The following GATA5 variants were observed in gnomAD, a reference collection of about 807,000 sequenced individuals.
GATA5 encodes the protein transcription factor GATA-5.
A neutral mutation model predicts 35.0 loss-of-function variants in GATA5; 27 were observed. The observed-to-expected ratio is 0.77, with a 90% CI of 0.57 to 1.06. GATA5 has a LOEUF of 1.06. GATA5 is among the 50% of genes least tolerant of loss of function. The pLI is 0.00. For synonymous variants in GATA5, 306 were observed against 267.8 expected, an observed-to-expected ratio of 1.14 and a Z score of -1.39; for missense variants, 612 against 580.0, an observed-to-expected ratio of 1.06 and a Z score of -0.57.
rs111554140 is a variant in GATA5, at chr20:62,475,098, A to G, written c.424T>C (p.Tyr142His). Residue 142 changes from tyrosine to histidine, a missense_variant, in exon 2 of 7, where the codon TAC becomes CAC. Transcript: ENST00000252997. ...ACGTCGGGGCTCACGTAGGCCGGGT[A>G]GGTGGCGGAGTACGAGGTCCCCACC... is the stretch of plus-strand genomic sequence containing the variant. ...RPVGTSYSAT[Y>H]PAYVSPDVAQ... 3.5e-4 allele frequency: 496 copies of G among 1,400,228 alleles called. No homozygotes were observed. In the Middle Eastern group the frequency reaches 4.1e-3, roughly 11 times the overall value. 86.7% of individuals were successfully genotyped at this position (1,400,228 alleles called of 1,614,324 possible).
At chr20:62,472,465 G>C (rs1317612923) in intron 3 of GATA5, among the ~76,000 whole-genome samples, 1 of 152,216 alleles carries the variant, frequency 6.6e-6, no homozygotes, top group Non-Finnish European at 1.5e-5. Context: ...AGGAGGGCTG[G>C]CCTCCACCCA....
chr20:62,465,001 C>T lies in GATA5; in HGVS notation c.1039-10G>A. On this transcript the variant is annotated splice_polypyrimidine_tract_variant and intron_variant, in intron 6 of 6. Transcript: ENST00000252997. ...CCTCCTGGCCAGAGGCCTGCAGGGA[C>T]AGGAGAGCGTGAGAATGTGGGGTGG... The T allele has an allele frequency of 6.9e-7, 1 of 1,450,514 alleles. No individual in the cohort carries two copies. The highest frequency in any genetic ancestry group is 1.6e-5 in the African/African-American group (1 of 62,396). The allele number at this position is 1,450,514 out of a possible 1,614,324, so 89.9% of individuals were successfully genotyped here.
chr20:62,467,171 A>G (rs1479831499), intron 3 of GATA5, among the ~76,000 whole-genome samples: 1 of 152,126 alleles, frequency 6.6e-6, no homozygotes. Flanking sequence ...ACTGACCCCA[A>G]TCTGGCAGGC....
At position 62,475,230 on chromosome 20, in the gene GATA5, T is replaced by A; in HGVS notation, c.292A>T (p.Ser98Cys). 1.6e-6 allele frequency: 2 copies of A among 1,248,504 alleles called. No homozygotes were observed. The highest frequency in any genetic ancestry group is 3.1e-5 in the African/African-American group (2 of 64,554). The allele number at this position is 1,248,504 out of a possible 1,614,324, so 77.3% of individuals were successfully genotyped here. A position where few individuals can be genotyped will look rare whatever the true frequency, so the allele number is the denominator to read the frequency against. ...PGATAFPFAH[S>C]PSGPGSGGSA... ...CCGCCGCTGCCGGGCCCCGAGGGGC[T>A]GTGCGCGAAAGGGAAGGCGGTGGCC... The change falls in exon 2 of 7, where the codon AGC becomes TGC. Residue 98 changes from serine (S) to cysteine (C), a missense_variant. By Grantham distance (112) the Ser-to-Cys change is moderately radical (BLOSUM62 -1). Transcript: ENST00000252997.
rs782451619 is a variant in GATA5 at position 62,464,809 on chromosome 20, T to C, written c.*27A>G. ...CAGTGGGTGGTCTGTTCCAGGCTGT[T>C]CCCCTGACATGGGCTGGCCTGGGGA... On this transcript the variant is annotated 3_prime_UTR_variant, in exon 7 of 7. Transcript: ENST00000252997. The C allele has an allele frequency of 5.1e-6, 8 of 1,558,930 alleles. No homozygotes were observed. In the Admixed American group the frequency reaches 1.5e-4, roughly 30 times the overall value.
rs537553037 is a variant in GATA5 at position 62,473,356 on chromosome 20, C to T, written c.699+47G>A. On this transcript the variant is annotated intron_variant, in intron 3 of 6. Coordinates refer to ENST00000252997, the MANE Select transcript of GATA5 (RefSeq NM_080473.5). ...CTGGGTGGATTGCAAGAGGTCCCCT[C>T]GGGGGAGCACTGCGCCCAGGCGCCC... is the stretch of plus-strand genomic sequence containing the variant. 23 of 1,562,076 alleles carry T rather than the reference C, an allele frequency of 1.5e-5. No individual in the cohort carries two copies. In the African/African-American group the frequency reaches 2.0e-4, roughly 14 times the overall value.
At chr20:62,466,792 C>A (rs1050034151) in intron 3 of GATA5, among the ~76,000 whole-genome samples, 4 of 152,266 alleles carry the variant, frequency 2.6e-5, no homozygotes, top group Non-Finnish European at 5.9e-5. Context: ...AACAGACCCA[C>A]CACAGGCCAG....
Position 62,464,512 on chromosome 20 carries a change from A to C in GATA5, c.*324T>G. On this transcript the variant is annotated 3_prime_UTR_variant, in exon 7 of 7. Coordinates refer to ENST00000252997, the MANE Select transcript of GATA5 (RefSeq NM_080473.5). Reference sequence around the variant, plus strand: ...ATTGACGGTGAGCATTGATGACGGAATTCAAGTTGGTGGTGGTGGTGCCCT... The same window carrying C: ...ATTGACGGTGAGCATTGATGACGGACTTCAAGTTGGTGGTGGTGGTGCCCT... The C allele has an allele frequency of 4.3e-6, 1 of 231,230 alleles. No individual in the cohort carries two copies. Among genetic ancestry groups the C allele is most frequent in the Non-Finnish European group, 8.4e-6 (1 of 119,494 alleles). 14.3% of individuals were successfully genotyped at this position (231,230 alleles called of 1,614,324 possible).
chr20:62,470,222 C>G lies in GATA5; in HGVS notation c.699+3181G>C, dbSNP rs139160479. Among the ~76,000 whole-genome samples the G allele has an allele frequency of 7.9e-5, 12 of 152,270 alleles. No individual in the cohort carries two copies. The highest frequency in any genetic ancestry group is 4.1e-4 in the South Asian group (2 of 4,824). ...GGTGCTGGCGGAAATTCAAGGAAGG[C>G]GGGAGAGGGAAGGAGGTTCGAGCCT... On this transcript the variant is annotated intron_variant, in intron 3 of 6. Coordinates refer to ENST00000252997, the MANE Select transcript of GATA5 (RefSeq NM_080473.5). The surrounding 1 kb of genome is among the most constrained non-coding windows in gnomAD (Gnocchi z 4.6).
rs1555896465 is a variant in GATA5 at position 62,470,634 on chromosome 20, A to G, written c.699+2769T>C. On this transcript the variant is annotated intron_variant, in intron 3 of 6. Transcript: ENST00000252997. This position sits in a 1 kb window ranked among gnomAD's most constrained non-coding sequence, Gnocchi z 4.6. Reference sequence around the variant, plus strand: ...GGGAAGGGACGCTTGGCTCCATGCAACACTGGGCTACTTCCTGGAGCTGGT... The same window carrying G: ...GGGAAGGGACGCTTGGCTCCATGCAGCACTGGGCTACTTCCTGGAGCTGGT... Among the ~76,000 whole-genome samples, 1 of 152,128 alleles carries G rather than the reference A, an allele frequency of 6.6e-6. No homozygotes were observed. The highest frequency in any genetic ancestry group is 1.9e-4 in the East Asian group (1 of 5,186).
chr20:62,470,119 G>A lies in GATA5; in HGVS notation c.699+3284C>T, dbSNP rs1258674030. ...TCAAAGCCTCCTTGCGCGCAGCAGA[G>A]CCGCTCTAAGCACCAGGCTCTGTGT... On this transcript the variant is annotated intron_variant, in intron 3 of 6. Transcript: ENST00000252997. The surrounding 1 kb of genome is among the most constrained non-coding windows in gnomAD (Gnocchi z 4.6). 1.3e-5 allele frequency among the ~76,000 whole-genome samples: 2 copies of A among 152,266 alleles called. No homozygotes were observed. Among genetic ancestry groups the A allele is most frequent in the African/African-American group, 4.8e-5 (2 of 41,478 alleles).
In GATA5 at chr20:62,475,540, G is replaced by T; in HGVS notation, c.-19C>A. Reference sequence around the variant, plus strand: ...GGTACATCCTCCCAGGCGTGGTCTTGACCTGCAGGGAAGAGGGACAGGTGT... The same window carrying T: ...GGTACATCCTCCCAGGCGTGGTCTTTACCTGCAGGGAAGAGGGACAGGTGT... On this transcript the variant is annotated splice_region_variant and 5_prime_UTR_variant, in exon 2 of 7. Coordinates refer to ENST00000252997, the MANE Select transcript of GATA5 (RefSeq NM_080473.5). The T allele has an allele frequency of 1.6e-6, 2 of 1,266,070 alleles. No homozygotes were observed. Among genetic ancestry groups the T allele is most frequent in the South Asian group, 6.9e-5 (2 of 28,816 alleles). 78.4% of individuals were successfully genotyped at this position (1,266,070 alleles called of 1,614,324 possible). A position where few individuals can be genotyped will look rare whatever the true frequency, so the allele number is the denominator to read the frequency against.
rs1555895892 is a variant in GATA5, at chr20:62,464,987, G to C, written c.1043C>G (p.Ser348Cys). 1 of 1,604,648 alleles carries C rather than the reference G, an allele frequency of 6.2e-7. No homozygotes were observed. Residue 348 changes from serine (S) to cysteine (C), a missense_variant, in exon 7 of 7, where the codon TCT becomes TGT. Ser to Cys is a moderately radical substitution (Grantham distance 112). Transcript: ENST00000252997. The part of the protein sequence containing the change: ...CPGPSMAPQA[S>C]GQEDDSLAPG... The stretch of plus-strand genomic sequence containing the variant: ...GGCAAGAGAGTCATCCTCCTGGCCA[G>C]AGGCCTGCAGGGACAGGAGAGCGTG...
At position 62,466,485 on chromosome 20, in the gene GATA5, G is replaced by A. The variant is rs556876322; in HGVS notation, c.766C>T (p.Arg256Trp). The change falls in exon 4 of 7, where the codon CGG (arginine) becomes TGG (tryptophan). Residue 256 changes from arginine (R) to tryptophan (W), a missense_variant. Physicochemically the swap from Arg to Trp is moderately radical, Grantham distance 101. Transcript: ENST00000252997. ...CHTTNTTLWR[R>W]NSEGEPVCNA... ...CACACGGGCTCCCCCTCCGAGTTCC[G>A]CCGCCACAGCGTGGTGTTGGTCGTG... The A allele has an allele frequency of 5.1e-6, 8 of 1,574,720 alleles. No homozygotes were observed. The highest frequency in any genetic ancestry group is 3.7e-5 in the Admixed American group (2 of 54,492).
At chr20:62,465,597 G>C (rs904382306) in intron 5 of GATA5, 133 bp from the exon 6 acceptor site, 1 of 1,267,864 alleles carries the variant, frequency 7.9e-7, no homozygotes. Flanking sequence ...CGCAGGCGTG[G>C]GTGGTGTGGC....
In GATA5 at chr20:62,464,896, G is replaced by C; in HGVS notation, c.1134C>G (p.Pro378=). The C allele has an allele frequency of 6.2e-7, 1 of 1,611,184 alleles. No homozygotes were observed. Among genetic ancestry groups the C allele is most frequent in the South Asian group, 1.1e-5 (1 of 90,940 alleles). ...GCAGAGCCCCCCTGAGGCCAGCCTG[G>C]GGGCTTGGGGCCGTGGAGGGGAAGG... The part of the protein sequence containing the change: ...DFAFPSTAPS[P]QAGLRGALRQ... The change falls in exon 7 of 7, where the codon CCC becomes CCG. Residue 378 remains proline (P), a synonymous_variant. Coordinates refer to ENST00000252997, the MANE Select transcript of GATA5 (RefSeq NM_080473.5).
chr20:62,475,454 A>T lies in GATA5; in HGVS notation c.68T>A (p.Leu23Gln). Residue 23 changes from leucine to glutamine, a missense_variant, in exon 2 of 7, where the codon CTG (leucine) becomes CAG (glutamine). Coordinates refer to ENST00000252997, the MANE Select transcript of GATA5 (RefSeq NM_080473.5). ...QAAYADSGSF[L>Q]HAPGAGSPMF... ...CGGAGAGCCGGCGCCCGGAGCGTGC[A>T]GGAAGGAGCCCGAGTCGGCGTAGGC... 7.4e-7 allele frequency: 1 copy of T among 1,343,514 alleles called. No individual in the cohort carries two copies. The highest frequency in any genetic ancestry group is 9.5e-7 in the Non-Finnish European group (1 of 1,052,362). 83.2% of individuals were successfully genotyped at this position (1,343,514 alleles called of 1,614,324 possible).
intron 6 of GATA5, 81 bp from the exon 7 acceptor site, chr20:62,465,072 A>G: frequency 8.9e-7 from 1 of 1,123,410 alleles, no homozygotes; most frequent in Non-Finnish European, 1.3e-6. Flanking sequence ...CTCTTAGGTC[A>G]GGAGCTCCCA....
rs782033443 is a variant in GATA5 at position 62,473,389 on chromosome 20, C to G, written c.699+14G>C. ...CACTGCGCCCAGGCGCCCCTCTGCC[C>G]AGCCCGAACTCACCAGGCGCTTCTG... On this transcript the variant is annotated intron_variant, in intron 3 of 6. Coordinates refer to ENST00000252997, the MANE Select transcript of GATA5 (RefSeq NM_080473.5). 1.3e-6 allele frequency: 2 copies of G among 1,596,328 alleles called. No homozygotes were observed. Among genetic ancestry groups the G allele is most frequent in the Non-Finnish European group, 8.5e-7 (1 of 1,172,490 alleles).
Sources: gnomAD v4.1 joint callset for allele counts (sites outside exome capture counted in the v4.1 genomes callset) on GRCh38, gnomAD v4.1.1 for gene constraint, Gnocchi (gnomAD v3.1) non-coding constraint, MANE v1.5 for transcripts, NCBI Gene and HGNC (gene_info 2026-07-23, HGNC 2026-07-21) for gene names.